DENND5A: variants seen among roughly 807,000 people sequenced by gnomAD.
The protein encoded by DENND5A is DENN domain containing 5A.
DENND5A carries 64 observed loss-of-function variants against 140.3 expected under a neutral mutation model. That is an observed-to-expected ratio of 0.46 (90% CI 0.37 to 0.56). The LOEUF is 0.56. Ranked by LOEUF, DENND5A falls within the 20% of genes least tolerant of loss-of-function variation. DENND5A has a pLI of 0.00. For synonymous variants in DENND5A, 605 were observed against 607.7 expected, an observed-to-expected ratio of 1.00 and a Z score of 0.07; for missense variants, 1,292 against 1,593.8, an observed-to-expected ratio of 0.81 and a Z score of 3.22.
rs1232810835 is a variant in DENND5A at position 9,139,035 on chromosome 11, T to C, written c.*636A>G. 6.6e-6 allele frequency: 1 copy of C among 151,104 alleles called. No homozygotes were observed. The highest frequency in any genetic ancestry group is 2.4e-5 in the African/African-American group (1 of 40,978). 9.4% of individuals were successfully genotyped at this position (151,104 alleles called of 1,614,324 possible). ...AAGAAAAGAAAAACCTGTTAAAACA[T>C]GCTTATGTTTACTTCTGTGAAACTG... is the stretch of plus-strand genomic sequence containing the variant. On this transcript the variant is annotated 3_prime_UTR_variant, in exon 23 of 23. Transcript: ENST00000328194.
At chr11:9,154,948 G>T (rs1187692997) in intron 12 of DENND5A, among the ~76,000 whole-genome samples, 2 of 151,944 alleles carry the variant, frequency 1.3e-5, no homozygotes, top group South Asian at 4.1e-4. Context: ...TCAGGAGTTC[G>T]AGACCAACCT....
intron 15 of DENND5A, 25 bp from the exon 16 acceptor site, chr11:9,147,176 A>G (rs1340068553): frequency 6.2e-7 from 1 of 1,610,342 alleles, no homozygotes; most frequent in Admixed American, 1.7e-5. Flanking sequence ...GTAATACATC[A>G]GTCTCCGACC....
chr11:9,170,976 AT>A, intron 8 of DENND5A, 199 bp from the exon 9 acceptor site: 1 of 914,898 alleles, frequency 1.1e-6, no homozygotes, highest in Non-Finnish European at 1.6e-6. Flanking sequence ...AATACTGGAC[AT>A]CAGGCAATGA....
At chr11:9,246,743 C>A (rs1851488706) in intron 1 of DENND5A, among the ~76,000 whole-genome samples, 2 of 152,000 alleles carry the variant, frequency 1.3e-5, no homozygotes, top group South Asian at 4.1e-4. Flanking sequence ...TGCTACTGAC[C>A]CCAAATTTTT....
At chr11:9,205,131 T>C (rs1849652794) in intron 3 of DENND5A, among the ~76,000 whole-genome samples, 1 of 152,218 alleles carries the variant, frequency 6.6e-6, no homozygotes, top group African/African-American at 2.4e-5. Flanking sequence ...CACAAAATTC[T>C]GTCATTAGTA....
intron 1 of DENND5A, among the ~76,000 whole-genome samples, chr11:9,245,820 G>A (rs1851448663): frequency 6.6e-6 from 1 of 151,936 alleles, no homozygotes; most frequent in Non-Finnish European, 1.5e-5. Context: ...TCTTAGTAGA[G>A]ACGGGGTTTT....
In DENND5A at chr11:9,179,051, C is replaced by G; in HGVS notation, c.1478G>C (p.Ser493Thr). The G allele has an allele frequency of 6.2e-7, 1 of 1,614,108 alleles. No homozygotes were observed. The highest frequency in any genetic ancestry group is 8.5e-7 in the Non-Finnish European group (1 of 1,180,012). ...LEKLEVREDP[S>T]SNKDLKVQCD... ...CTGAACTTTGAGATCCTTATTGCTG[C>G]TGGGGTCTTCACGCACTTCCAACTA... Residue 493 changes from serine to threonine, a missense_variant, in exon 7 of 23, where the codon AGC becomes ACC. Transcript: ENST00000328194.
chr11:9,158,461 T>C (rs905458786), intron 12 of DENND5A, among the ~76,000 whole-genome samples: 1 of 151,892 alleles, frequency 6.6e-6, no homozygotes, highest in Non-Finnish European at 1.5e-5. Context: ...GGTGGGAGAC[T>C]CAGTTGAGCA....
intron 21 of DENND5A, 113 bp downstream of exon 21, chr11:9,142,609 G>A (rs1590201623): frequency 3.0e-6 from 4 of 1,335,726 alleles, no homozygotes; most frequent in Non-Finnish European, 3.1e-6. Flanking sequence ...TGAGATCTGA[G>A]AGTCACCTAA....
intron 1 of DENND5A, among the ~76,000 whole-genome samples, chr11:9,241,679 T>G (rs1851239152): frequency 6.6e-6 from 1 of 152,164 alleles, no homozygotes; most frequent in Non-Finnish European, 1.5e-5. Flanking sequence ...TCTCCTGAAA[T>G]TGTCATCCTC....
intron 10 of DENND5A, among the ~76,000 whole-genome samples, chr11:9,169,398 A>G (rs1848293220): frequency 6.6e-6 from 1 of 152,056 alleles, no homozygotes; most frequent in Non-Finnish European, 1.5e-5. Flanking sequence ...GTGAGCCGAG[A>G]TCGCTCCACT....
intron 1 of DENND5A, among the ~76,000 whole-genome samples, chr11:9,241,290 G>A (rs758606213): frequency 2.6e-5 from 4 of 152,130 alleles, no homozygotes; most frequent in Non-Finnish European, 5.9e-5. Context: ...TATGCATCAG[G>A]ACAGTGGCTT....
At chr11:9,142,185 G>C (rs753487349) in intron 21 of DENND5A, 77 bp from the exon 22 acceptor site, 76 of 1,245,178 alleles carry the variant, frequency 6.1e-5, no homozygotes, top group Non-Finnish European at 8.1e-5. Context: ...CACTTGCCAT[G>C]GGCCTCTCCA....
At chr11:9,189,239 TG>T in intron 5 of DENND5A, among the ~76,000 whole-genome samples, 1 of 152,310 alleles carries the variant, frequency 6.6e-6, no homozygotes, top group Non-Finnish European at 1.5e-5. Flanking sequence ...AGTCAAGAAT[TG>T]GGGTTTGGGA....
intron 1 of DENND5A, among the ~76,000 whole-genome samples, chr11:9,253,456 C>A (rs184766421): frequency 1.3e-5 from 2 of 152,052 alleles, no homozygotes; most frequent in African/African-American, 4.8e-5. Flanking sequence ...AGTCAAATAG[C>A]GTTCTCTTTA....
intron 8 of DENND5A, among the ~76,000 whole-genome samples, chr11:9,173,875 C>T (rs747403271): frequency 6.6e-6 from 1 of 151,898 alleles, no homozygotes; most frequent in Admixed American, 6.6e-5. Flanking sequence ...GAGGCCGAGG[C>T]GGGCGGATCA....
chr11:9,207,505 T>C lies in DENND5A; in HGVS notation c.181+56A>G. On this transcript the variant is annotated intron_variant, in intron 2 of 22. Coordinates refer to ENST00000328194, the MANE Select transcript of DENND5A (RefSeq NM_015213.4). ...AGGTTACAAAATGCCACTGGAGAGA[T>C]ATATGTAAGAACCATTAGAAAGCTT... 3 of 1,303,992 alleles carry C rather than the reference T, an allele frequency of 2.3e-6. No individual in the cohort carries two copies. In the East Asian group the frequency reaches 6.9e-5, roughly 30 times the overall value. The allele number at this position is 1,303,992 out of a possible 1,614,324, so 80.8% of individuals were successfully genotyped here. A position where few individuals can be genotyped will look rare whatever the true frequency, so the allele number is the denominator to read the frequency against.
In DENND5A at chr11:9,169,872, T is replaced by C. The variant is rs1474400756; in HGVS notation, c.2135A>G (p.Asp712Gly). The change falls in exon 10 of 23, where the codon GAT (aspartate) becomes GGT (glycine). Residue 712 changes from aspartate (D) to glycine (G), a missense_variant. This residue lies in a region of DENND5A where 199 missense variants were observed against 189.1 expected (regional missense o/e 1.05). Transcript: ENST00000328194. ...GTATCTTACCTCCCTCTGGTCATTA[T>C]CTAAACGCAGGTGTTCTGTGTGCTG... ...QKQHTEHLRL[D>G]NDQREKYIQE... 3 of 1,611,560 alleles carry C rather than the reference T, an allele frequency of 1.9e-6. No homozygotes were observed. The highest frequency in any genetic ancestry group is 2.5e-6 in the Non-Finnish European group (3 of 1,177,754).
In DENND5A at chr11:9,204,232, T is replaced by C; in HGVS notation, c.377A>G (p.Asp126Gly). Residue 126 changes from aspartate to glycine, a missense_variant, in exon 4 of 23, where the codon GAT becomes GGT. Physicochemically the swap from Asp to Gly is moderately conservative, Grantham distance 94 (BLOSUM62 -1). This residue lies in a region of DENND5A where 566 missense variants were observed against 650.4 expected (regional missense o/e 0.87). Transcript: ENST00000328194. ...GGCAAACCCAAATGTCCGAGAGCCA[T>C]CCTCCCTTGTGATAATAAAGGCATG... is the stretch of plus-strand genomic sequence containing the variant. ...QFHAFIITREDGSRTFGFALT... is the reference protein window; with the variant it reads ...QFHAFIITREGGSRTFGFALT... 2 of 1,614,006 alleles carry C rather than the reference T, an allele frequency of 1.2e-6. No homozygotes were observed. The highest frequency in any genetic ancestry group is 1.7e-6 in the Non-Finnish European group (2 of 1,180,012).
Sources: gnomAD v4.1 joint callset for allele counts (sites outside exome capture counted in the v4.1 genomes callset) on GRCh38, gnomAD v4.1.1 for gene constraint, gnomAD v4.1.1 regional missense constraint, MANE v1.5 for transcripts, NCBI Gene and HGNC (gene_info 2026-07-23, HGNC 2026-07-21) for gene names.